SFTPA1: variants seen among roughly 807,000 people sequenced by gnomAD.
SFTPA1 encodes the protein pulmonary surfactant-associated protein A1.
A neutral mutation model predicts 19.1 loss-of-function variants in SFTPA1; 13 were observed. The ratio of observed to expected loss-of-function variants is 0.68; its 90% CI spans 0.44 to 1.08. The LOEUF is 1.08. Among genes scored for constraint, SFTPA1 ranks in the 50% least tolerant of loss-of-function variants. The pLI is 0.00. For missense variants in SFTPA1, 259 were observed against 316.4 expected, an observed-to-expected ratio of 0.82 and a Z score of 1.38; for synonymous variants, 101 against 117.0, an observed-to-expected ratio of 0.86 and a Z score of 0.88.
chr10:79,613,550 G>A (rs2945438), intron 5 of SFTPA1, among the ~76,000 whole-genome samples, 187 bp from the exon 6 acceptor site: 9 of 151,974 alleles, frequency 5.9e-5, no homozygotes, highest in African/African-American at 1.4e-4. Context: ...TGTTACTTAG[G>A]TGAATGAATA....
At chr10:79,613,086 A>T in intron 4 of SFTPA1, 103 bp from the exon 5 acceptor site, 12 of 1,605,600 alleles carry the variant, frequency 7.5e-6, no homozygotes, top group Non-Finnish European at 1.0e-5. Flanking sequence ...AACAGCAATG[A>T]AAGGGCAGAG....
rs1030858329 is a variant in SFTPA1, at chr10:79,614,220, A to G, written c.*107A>G. ...CTAGAACTCCCTTTCAACAGAATTCACTTGTGGCTATTGGGACTGGAGGCA... is the reference window on the plus strand; with the variant it reads ...CTAGAACTCCCTTTCAACAGAATTCGCTTGTGGCTATTGGGACTGGAGGCA... On this transcript the variant is annotated 3_prime_UTR_variant, in exon 6 of 6. Transcript: ENST00000398636. 6.3e-7 allele frequency: 1 copy of G among 1,586,464 alleles called. No homozygotes were observed. Among genetic ancestry groups the G allele is most frequent in the Non-Finnish European group, 8.6e-7 (1 of 1,161,682 alleles).
In SFTPA1 at chr10:79,611,313, T is replaced by G. The variant is rs1243829031; in HGVS notation, c.-94-6T>G. 2.7e-6 allele frequency: 1 copy of G among 372,320 alleles called. No individual in the cohort carries two copies. Among genetic ancestry groups the G allele is most frequent in the Non-Finnish European group, 4.9e-6 (1 of 205,010 alleles). 23.1% of individuals were successfully genotyped at this position (372,320 alleles called of 1,614,324 possible). On this transcript the variant is annotated splice_polypyrimidine_tract_variant and splice_region_variant and intron_variant, in intron 1 of 5. Transcript: ENST00000398636. Reference sequence around the variant, plus strand: ...GCGGGCCCCGTTCATCTTTTTTCATTCTCAGGTCGCTGATTTCTTGGAGCC... The same window carrying G: ...GCGGGCCCCGTTCATCTTTTTTCATGCTCAGGTCGCTGATTTCTTGGAGCC...
intron 4 of SFTPA1, among the ~76,000 whole-genome samples, chr10:79,612,733 A>G (rs1319910178): frequency 2.6e-5 from 4 of 152,050 alleles, no homozygotes; most frequent in African/African-American, 7.2e-5. Flanking sequence ...CCTGGGATGG[A>G]GGCCCTGGGG....
In SFTPA1 at chr10:79,614,024, G is replaced by A. The variant is rs944151046; in HGVS notation, c.658G>A (p.Gly220Arg). ...GTACCGAGGGGAGCCCGCAGGTCGG[G>A]GAAAAGAGCAGTGTGTGGAGATGTA... is the stretch of plus-strand genomic sequence containing the variant. Reference protein sequence around the residue: ...NWYRGEPAGRGKEQCVEMYTD... With the variant: ...NWYRGEPAGRRKEQCVEMYTD... The change falls in exon 6 of 6, where the codon GGA becomes AGA. Residue 220 changes from glycine to arginine, a missense_variant. By Grantham distance (125) the Gly-to-Arg change is moderately radical. Transcript: ENST00000398636. 1 of 1,614,230 alleles carries A rather than the reference G, an allele frequency of 6.2e-7. No homozygotes were observed. Among genetic ancestry groups the A allele is most frequent in the East Asian group, 2.2e-5 (1 of 44,874 alleles).
At chr10:79,612,728 G>A (rs1859932345) in intron 4 of SFTPA1, among the ~76,000 whole-genome samples, 1 of 152,100 alleles carries the variant, frequency 6.6e-6, no homozygotes, top group African/African-American at 2.4e-5. Flanking sequence ...CATGTCCTGG[G>A]ATGGAGGCCC....
Position 79,615,073 on chromosome 10 carries a change from G to A in SFTPA1, c.*960G>A. 1 of 1,305,212 alleles carries A rather than the reference G, an allele frequency of 7.7e-7. No homozygotes were observed. Among genetic ancestry groups the A allele is most frequent in the Non-Finnish European group, 1.0e-6 (1 of 988,920 alleles). The allele number at this position is 1,305,212 out of a possible 1,614,324, so 80.9% of individuals were successfully genotyped here. ...GTCTTCATCTGTGAAATGGGAATAA[G>A]ATACTTGTTGCTGTCACAGTTATTA... On this transcript the variant is annotated 3_prime_UTR_variant, in exon 6 of 6. Coordinates refer to ENST00000398636, the MANE Select transcript of SFTPA1 (RefSeq NM_005411.5).
chr10:79,612,562 G>C (rs1426723283), intron 4 of SFTPA1, 131 bp downstream of exon 4: 2 of 1,432,586 alleles, frequency 1.4e-6, no homozygotes, highest in Non-Finnish European at 1.9e-6. Context: ...CTAAGTAAGA[G>C]AGGATAAGCT....
In SFTPA1 at chr10:79,615,151, C is replaced by G. The variant is rs1417892167; in HGVS notation, c.*1038C>G. 1 of 1,238,508 alleles carries G rather than the reference C, an allele frequency of 8.1e-7. No homozygotes were observed. Among genetic ancestry groups the G allele is most frequent in the African/African-American group, 1.6e-5 (1 of 64,470 alleles). The allele number at this position is 1,238,508 out of a possible 1,614,324, so 76.7% of individuals were successfully genotyped here. ...CCAGAACTGTTACTATACACAGAGGCTATTGACTGAGCACCTATCATTTGC... is the reference window on the plus strand; with the variant it reads ...CCAGAACTGTTACTATACACAGAGGGTATTGACTGAGCACCTATCATTTGC... On this transcript the variant is annotated 3_prime_UTR_variant, in exon 6 of 6. Coordinates refer to ENST00000398636, the MANE Select transcript of SFTPA1 (RefSeq NM_005411.5).
At chr10:79,611,563 T>C in intron 2 of SFTPA1, 174 bp downstream of exon 2, 1 of 1,547,318 alleles carries the variant, frequency 6.5e-7, no homozygotes, top group Non-Finnish European at 8.7e-7. Flanking sequence ...AGCTCCTTAC[T>C]CTTCCTCCTC....
Position 79,615,046 on chromosome 10 carries a change from A to T in SFTPA1, c.*933A>T. On this transcript the variant is annotated 3_prime_UTR_variant, in exon 6 of 6. Transcript: ENST00000398636. ...TGAAGATTTTTTTTTCCCAGAGCTT[A>T]TGTCTTCATCTGTGAAATGGGAATA... The T allele has an allele frequency of 1.5e-6, 2 of 1,305,214 alleles. No homozygotes were observed. The highest frequency in any genetic ancestry group is 1.2e-5 in the South Asian group (1 of 81,012). 80.9% of individuals were successfully genotyped at this position (1,305,214 alleles called of 1,614,324 possible).
chr10:79,613,639 G>C, intron 5 of SFTPA1, 98 bp from the exon 6 acceptor site: 1 of 1,595,276 alleles, frequency 6.3e-7, no homozygotes, highest in Non-Finnish European at 8.6e-7. Context: ...GGCAGAGATG[G>C]AGAGACTGGG....
In SFTPA1 at chr10:79,614,341, C is replaced by T. The variant is rs1221559774; in HGVS notation, c.*228C>T. 1 of 672,680 alleles carries T rather than the reference C, an allele frequency of 1.5e-6. No homozygotes were observed. Among genetic ancestry groups the T allele is most frequent in the Non-Finnish European group, 2.5e-6 (1 of 405,438 alleles). The allele number at this position is 672,680 out of a possible 1,614,324, so 41.7% of individuals were successfully genotyped here. Reference sequence around the variant, plus strand: ...CCTTGCAAACTCTCCCAGCACTGCACCCCAGGCAGCCACTCTTAGCCTTGG... The same window carrying T: ...CCTTGCAAACTCTCCCAGCACTGCATCCCAGGCAGCCACTCTTAGCCTTGG... On this transcript the variant is annotated 3_prime_UTR_variant, in exon 6 of 6. Transcript: ENST00000398636.
chr10:79,613,687 G>A (rs950989930), intron 5 of SFTPA1, 50 bp from the exon 6 acceptor site: 23 of 1,613,692 alleles, frequency 1.4e-5, no homozygotes, highest in Non-Finnish European at 1.9e-5. Context: ...GAGGGAGGTG[G>A]CTTAGAGACA....
In SFTPA1 at chr10:79,614,888, A is replaced by T; in HGVS notation, c.*775A>T. On this transcript the variant is annotated 3_prime_UTR_variant, in exon 6 of 6. Transcript: ENST00000398636. ...CACCCTACTTCAGATTTCAGTGGGC[A>T]TTCACACCACCCCCCACACCACTGG... 15 of 883,334 alleles carry T rather than the reference A, an allele frequency of 1.7e-5. 1 individual carries two copies. In the South Asian group the frequency reaches 2.1e-4, roughly 13 times the overall value. The allele number at this position is 883,334 out of a possible 1,614,324, so 54.7% of individuals were successfully genotyped here. A position where few individuals can be genotyped will look rare whatever the true frequency, so the allele number is the denominator to read the frequency against.
At chr10:79,613,363 A>T in intron 5 of SFTPA1, 97 bp downstream of exon 5, 1 of 1,555,684 alleles carries the variant, frequency 6.4e-7, no homozygotes, top group Non-Finnish European at 8.9e-7. Flanking sequence ...ACAAATAGGC[A>T]TGCACATGCA....
intron 3 of SFTPA1, 29 bp from the exon 4 acceptor site, chr10:79,612,283 C>T (rs1859897667): frequency 6.2e-7 from 1 of 1,613,880 alleles, no homozygotes; most frequent in African/African-American, 1.3e-5. Context: ...GTGACAGATC[C>T]TACACATCCA....
At position 79,614,925 on chromosome 10, in the gene SFTPA1, C is replaced by A; in HGVS notation, c.*812C>A. ...CCCCACACCACTGGCTCTGCTTTCTCCTTTCATTAATCCATTCACCCAGAT... is the reference window on the plus strand; with the variant it reads ...CCCCACACCACTGGCTCTGCTTTCTACTTTCATTAATCCATTCACCCAGAT... On this transcript the variant is annotated 3_prime_UTR_variant, in exon 6 of 6. Transcript: ENST00000398636. 4 of 1,210,000 alleles carry A rather than the reference C, an allele frequency of 3.3e-6. No individual in the cohort carries two copies. Among genetic ancestry groups the A allele is most frequent in the Non-Finnish European group, 4.4e-6 (4 of 911,224 alleles). The allele number at this position is 1,210,000 out of a possible 1,614,324, so 75.0% of individuals were successfully genotyped here.
Position 79,615,168 on chromosome 10 carries a change from A to G in SFTPA1, c.*1055A>G. 1.7e-6 allele frequency: 2 copies of G among 1,143,258 alleles called. No homozygotes were observed. Among genetic ancestry groups the G allele is most frequent in the Admixed American group, 5.4e-5 (2 of 37,032 alleles). The allele number at this position is 1,143,258 out of a possible 1,614,324, so 70.8% of individuals were successfully genotyped here. On this transcript the variant is annotated 3_prime_UTR_variant, in exon 6 of 6. Coordinates refer to ENST00000398636, the MANE Select transcript of SFTPA1 (RefSeq NM_005411.5). ...CACAGAGGCTATTGACTGAGCACCTATCATTTGCCAAGAACCTTGACAAGC... is the reference window on the plus strand; with the variant it reads ...CACAGAGGCTATTGACTGAGCACCTGTCATTTGCCAAGAACCTTGACAAGC...
Sources: gnomAD v4.1 joint callset for allele counts (sites outside exome capture counted in the v4.1 genomes callset) on GRCh38, gnomAD v4.1.1 for gene constraint, MANE v1.5 for transcripts, NCBI Gene and HGNC (gene_info 2026-07-23, HGNC 2026-07-21) for gene names.